The following NKAIN2 variants were observed in gnomAD, a reference collection of about 807,000 sequenced individuals.
NKAIN2 encodes the protein sodium/potassium-transporting ATPase subunit beta-1-interacting protein 2.
NKAIN2 carries 14 observed loss-of-function variants against 32.6 expected under a neutral mutation model. The observed-to-expected ratio is 0.43, with a 90% confidence interval of 0.28 to 0.67. The LOEUF (loss-of-function observed/expected upper bound fraction) is 0.67. NKAIN2 is among the 30% of genes least tolerant of loss of function. The pLI, the probability that NKAIN2 is intolerant of heterozygous loss-of-function variation, is 0.17. For synonymous variants in NKAIN2, 80 were observed against 87.2 expected, an observed-to-expected ratio of 0.92 and a Z score of 0.46; for missense variants, 198 against 258.3, an observed-to-expected ratio of 0.77 and a Z score of 1.60.
At chr6:124,743,599 A>G (rs1363433897) in intron 4 of NKAIN2, among the ~76,000 whole-genome samples, 1 of 151,902 alleles carries the variant, frequency 6.6e-6, no homozygotes, top group Non-Finnish European at 1.5e-5. Flanking sequence ...AACTGTAATG[A>G]TAACATGATA....
intron 1 of NKAIN2, among the ~76,000 whole-genome samples, chr6:124,048,827 G>A (rs1029337390): frequency 6.6e-6 from 1 of 151,992 alleles, no homozygotes; most frequent in Non-Finnish European, 1.5e-5. Flanking sequence ...GCTTACTGCT[G>A]TCACAGTAAT....
intron 5 of NKAIN2, among the ~76,000 whole-genome samples, chr6:124,793,140 G>A (rs1000041652): frequency 6.6e-6 from 1 of 152,076 alleles, no homozygotes; most frequent in East Asian, 1.9e-4. Flanking sequence ...GACATGATTA[G>A]TGGGCAATGG....
intron 1 of NKAIN2, among the ~76,000 whole-genome samples, chr6:124,141,792 G>A (rs1787152318): frequency 6.6e-6 from 1 of 151,956 alleles, no homozygotes; most frequent in Admixed American, 6.6e-5. Flanking sequence ...TCCCACTCCA[G>A]TCCCCAATTT....
chr6:124,121,785 G>A (rs115030810), intron 1 of NKAIN2: 30 of 253,528 alleles, frequency 1.2e-4, no homozygotes, highest in Non-Finnish European at 2.1e-4. Flanking sequence ...AATTATGCGG[G>A]TCAAGTTCCA....
intron 1 of NKAIN2, among the ~76,000 whole-genome samples, chr6:124,152,069 A>G (rs940555316): frequency 1.3e-5 from 2 of 151,942 alleles, no homozygotes; most frequent in Non-Finnish European, 2.9e-5. Context: ...ATTTTACCCT[A>G]GAAAACTTAT....
At chr6:123,935,806 T>A (rs1284511362) in intron 1 of NKAIN2, among the ~76,000 whole-genome samples, 4 of 152,146 alleles carry the variant, frequency 2.6e-5, no homozygotes, top group African/African-American at 9.7e-5. Context: ...GCTACATTTA[T>A]ATTAATAATC....
intron 1 of NKAIN2, among the ~76,000 whole-genome samples, chr6:124,173,774 T>A (rs1323517020): frequency 6.6e-6 from 1 of 152,044 alleles, no homozygotes; most frequent in Non-Finnish European, 1.5e-5. Flanking sequence ...TTTTTGAAAG[T>A]TTTTTCAGGT....
chr6:124,239,982 A>G (rs1466710988), intron 1 of NKAIN2, among the ~76,000 whole-genome samples: 1 of 152,182 alleles, frequency 6.6e-6, no homozygotes, highest in Non-Finnish European at 1.5e-5. Context: ...GATTGAAAAA[A>G]TAGATAGACC....
chr6:124,513,097 C>T (rs1473474709), intron 3 of NKAIN2, among the ~76,000 whole-genome samples: 1 of 152,116 alleles, frequency 6.6e-6, no homozygotes, highest in Non-Finnish European at 1.5e-5. Flanking sequence ...CTCACGGACT[C>T]TTTACTGTGG....
intron 3 of NKAIN2, among the ~76,000 whole-genome samples, chr6:124,366,928 GAAA>G (rs5879729): frequency 6.8e-4 from 90 of 131,946 alleles, no homozygotes; most frequent in African/African-American, 1.4e-3. Flanking sequence ...ACCCTGTCTC[GAAA>G]AAAAAAAAAA....
chr6:124,601,430 T>G (rs932029358), intron 3 of NKAIN2, among the ~76,000 whole-genome samples: 1 of 152,098 alleles, frequency 6.6e-6, no homozygotes, highest in Non-Finnish European at 1.5e-5. Flanking sequence ...TCAGCTTGTC[T>G]GAGACAAATG....
At chr6:124,641,128 A>G (rs1783971135) in intron 3 of NKAIN2, among the ~76,000 whole-genome samples, 3 of 152,226 alleles carry the variant, frequency 2.0e-5, no homozygotes. Context: ...ACCAGGTCTA[A>G]CACTGTGAGG....
intron 1 of NKAIN2, among the ~76,000 whole-genome samples, chr6:124,068,306 T>C (rs1447955048): frequency 6.6e-6 from 1 of 152,204 alleles, no homozygotes; most frequent in Non-Finnish European, 1.5e-5. Context: ...TTCCTATTTT[T>C]TGGTGTCATT....
intron 3 of NKAIN2, among the ~76,000 whole-genome samples, chr6:124,527,998 A>T (rs937132178): frequency 6.6e-6 from 1 of 152,210 alleles, no homozygotes; most frequent in Admixed American, 6.5e-5. Flanking sequence ...GAACCAGCAG[A>T]TGATTAATAC....
intron 4 of NKAIN2, among the ~76,000 whole-genome samples, chr6:124,724,356 T>C (rs1435268137): frequency 6.6e-6 from 1 of 152,086 alleles, no homozygotes; most frequent in Non-Finnish European, 1.5e-5. Context: ...TCTCACAGGG[T>C]ATTTAAAGAA....
At chr6:124,199,355 C>G (rs1471825688) in intron 1 of NKAIN2, among the ~76,000 whole-genome samples, 2 of 152,154 alleles carry the variant, frequency 1.3e-5, no homozygotes, top group Non-Finnish European at 2.9e-5. Flanking sequence ...TGGCTGCAGT[C>G]CCATGTCCTT....
chr6:124,763,285 G>T (rs1425404151), intron 4 of NKAIN2, among the ~76,000 whole-genome samples: 1 of 152,174 alleles, frequency 6.6e-6, no homozygotes, highest in East Asian at 1.9e-4. Flanking sequence ...TGTGAGACTG[G>T]GTTATTTACA....
intron 3 of NKAIN2, among the ~76,000 whole-genome samples, chr6:124,568,918 T>C (rs1432200410): frequency 2.0e-5 from 3 of 151,990 alleles, no homozygotes; most frequent in African/African-American, 7.2e-5. Flanking sequence ...TGAATATTTC[T>C]GACCACCATC....
intron 1 of NKAIN2, among the ~76,000 whole-genome samples, chr6:123,975,266 A>G (rs1778507813): frequency 6.6e-6 from 1 of 152,164 alleles, no homozygotes. Context: ...GGGAAGAAAA[A>G]TGCTCAGGAA....
Sources: gnomAD v4.1 joint callset for allele counts (sites outside exome capture counted in the v4.1 genomes callset) on GRCh38, gnomAD v4.1.1 for gene constraint, MANE v1.5 for transcripts, NCBI Gene and HGNC (gene_info 2026-07-23, HGNC 2026-07-21) for gene names.